Variants in CNTN1 observed in about 807,000 individuals in gnomAD.
The protein encoded by CNTN1 is contactin-1.
CNTN1 carries 38 observed loss-of-function variants against 126.4 expected under a neutral mutation model. That is an observed-to-expected ratio of 0.30 (90% CI 0.23 to 0.39). The LOEUF (loss-of-function observed/expected upper bound fraction) is 0.39. CNTN1 is among the 10% of genes least tolerant of loss of function. CNTN1 has a pLI of 1.00. For missense variants in CNTN1, 1,009 were observed against 1,248.4 expected (o/e 0.81, Z 2.89); for synonymous variants, 413 against 422.6 (o/e 0.98, Z 0.28).
intron 23 of CNTN1, among the ~76,000 whole-genome samples, chr12:41,064,006 T>C (rs982468004): frequency 1.3e-5 from 2 of 151,916 alleles, no homozygotes; most frequent in African/African-American, 4.8e-5. Flanking sequence ...AAACCCCATC[T>C]CTACTAAAAA....
At chr12:40,731,701 T>C (rs1259527382) in intron 1 of CNTN1, among the ~76,000 whole-genome samples, 1 of 151,936 alleles carries the variant, frequency 6.6e-6, no homozygotes, top group African/African-American at 2.4e-5. Context: ...AGAAAATTAA[T>C]ATATTCCATA....
At chr12:40,845,318 T>C (rs182418967) in intron 1 of CNTN1, among the ~76,000 whole-genome samples, 1 of 152,162 alleles carries the variant, frequency 6.6e-6, no homozygotes, top group Admixed American at 6.5e-5. Flanking sequence ...AGATATATAA[T>C]AGATACTAAA....
At chr12:41,017,841 C>G (rs183850632) in intron 19 of CNTN1, among the ~76,000 whole-genome samples, 37 of 152,166 alleles carry the variant, frequency 2.4e-4, no homozygotes, top group African/African-American at 8.2e-4. Flanking sequence ...CCTGTAATCC[C>G]AGCACTTAGG....
intron 17 of CNTN1, among the ~76,000 whole-genome samples, chr12:41,002,124 T>A (rs1159308189): frequency 6.6e-6 from 1 of 152,272 alleles, no homozygotes; most frequent in East Asian, 1.9e-4. Context: ...TTTATTTTAT[T>A]TTTTTGGTTC....
At chr12:40,767,530 G>C (rs1395371696) in intron 1 of CNTN1, among the ~76,000 whole-genome samples, 1 of 151,874 alleles carries the variant, frequency 6.6e-6, no homozygotes, top group African/African-American at 2.4e-5. Flanking sequence ...GGATGATCTC[G>C]ATCTCCTGAC....
chr12:40,899,655 C>T (rs1293736224), intron 1 of CNTN1, among the ~76,000 whole-genome samples: 1 of 152,102 alleles, frequency 6.6e-6, no homozygotes, highest in African/African-American at 2.4e-5. Flanking sequence ...CGAAAATATT[C>T]CAACCTTCAC....
intron 15 of CNTN1, among the ~76,000 whole-genome samples, chr12:40,967,054 G>A (rs987046415): frequency 4.0e-5 from 6 of 151,818 alleles, no homozygotes; most frequent in Non-Finnish European, 5.9e-5. Context: ...AAAAATAATC[G>A]GCCAGGGGAG....
intron 1 of CNTN1, among the ~76,000 whole-genome samples, chr12:40,846,702 TTGC>T (rs10571958): frequency 0.58 from 88,211 of 151,258 alleles, 26,197 homozygotes; most frequent in East Asian, 0.77. Context: ...TTTGTTGTTG[TTGC>T]TGCTGAGGCA....
At chr12:40,861,441 T>A (rs1256188493) in intron 1 of CNTN1, among the ~76,000 whole-genome samples, 1 of 152,090 alleles carries the variant, frequency 6.6e-6, no homozygotes, top group Non-Finnish European at 1.5e-5. Context: ...ATTTTTAAAG[T>A]TTTTTAATGG....
chr12:41,044,632 G>A (rs1308445030), intron 23 of CNTN1, among the ~76,000 whole-genome samples: 1 of 152,068 alleles, frequency 6.6e-6, no homozygotes, highest in African/African-American at 2.4e-5. Context: ...TACTGGGAGG[G>A]TAGAATCTGG....
intron 15 of CNTN1, among the ~76,000 whole-genome samples, chr12:40,975,267 G>C (rs970575454): frequency 1.3e-4 from 19 of 143,512 alleles, no homozygotes; most frequent in African/African-American, 4.9e-4. Context: ...CTTAAATATT[G>C]AAATGTTTCT....
Position 40,944,155 on chromosome 12 carries a change from C to T in CNTN1, c.1668C>T (p.Tyr556=), listed in dbSNP as rs1046192037. Residue 556 remains tyrosine (Y), a synonymous_variant, in exon 14 of 24, where the codon TAC becomes TAT. Transcript: ENST00000551295. ...ATTTTAACAAAGAGAATATTCACTA[C>T]CAGAGGAATTTTATGGTATGTGTTT... is the stretch of plus-strand genomic sequence containing the variant. ...VIDFNKENIH[Y]QRNFMLDSNG... is the part of the protein sequence containing the mutation. 3 of 1,612,712 alleles carry T rather than the reference C, an allele frequency of 1.9e-6. No homozygotes were observed. The African/African-American group carries it at 4.0e-5, about 22-fold the overall frequency.
chr12:40,977,764 C>CTGTTTTGTTTTGTTT (rs56822606), intron 15 of CNTN1, among the ~76,000 whole-genome samples: 1 of 69,056 alleles, frequency 1.4e-5, no homozygotes, highest in Non-Finnish European at 2.9e-5. Flanking sequence ...TAACAATCAT[C>CTGTTTTGTTTTGTTT]TGTTTTGTTT....
At chr12:41,042,828 C>G (rs934775450) in intron 23 of CNTN1, among the ~76,000 whole-genome samples, 4 of 151,916 alleles carry the variant, frequency 2.6e-5, no homozygotes, top group Non-Finnish European at 5.9e-5. Flanking sequence ...CAGAACAGAG[C>G]CCTCAGAAAT....
chr12:40,813,051 C>CTTTCTTTCTTTCTTTCTTTCTTTCTTTG (rs1300580270), intron 1 of CNTN1, among the ~76,000 whole-genome samples: 1 of 111,832 alleles, frequency 8.9e-6, no homozygotes, highest in Non-Finnish European at 1.9e-5. Context: ...TTCTTTCTTT[C>CTTTCTTTCTTTCTTTCTTTCTTTCTTTG]TTTCTTTCTT....
At chr12:40,802,051 G>A (rs546680007) in intron 1 of CNTN1, among the ~76,000 whole-genome samples, 4 of 151,932 alleles carry the variant, frequency 2.6e-5, no homozygotes, top group South Asian at 2.1e-4. Flanking sequence ...AGCAGATGGT[G>A]TAGGATGATG....
At chr12:40,788,325 G>A (rs984868861) in intron 1 of CNTN1, among the ~76,000 whole-genome samples, 1 of 152,066 alleles carries the variant, frequency 6.6e-6, no homozygotes, top group South Asian at 2.1e-4. Context: ...CAACACTTGC[G>A]AGCTTCATGA....
At chr12:40,868,143 A>G (rs1943362927) in intron 1 of CNTN1, among the ~76,000 whole-genome samples, 1 of 151,780 alleles carries the variant, frequency 6.6e-6, no homozygotes, top group Non-Finnish European at 1.5e-5. Context: ...TCTTTTCTTT[A>G]TTTTTATTTC....
intron 16 of CNTN1, among the ~76,000 whole-genome samples, chr12:40,981,775 C>A (rs564489699): frequency 7.1e-4 from 108 of 151,862 alleles, no homozygotes; most frequent in Non-Finnish European, 1.4e-3. Context: ...GATAAAATAA[C>A]CTGTTTATCT....
Sources: gnomAD v4.1 joint callset for allele counts (sites outside exome capture counted in the v4.1 genomes callset) on GRCh38, gnomAD v4.1.1 for gene constraint, MANE v1.5 for transcripts, NCBI Gene and HGNC (gene_info 2026-07-23, HGNC 2026-07-21) for gene names.